Variants in DSCAML1 observed in about 807,000 individuals in gnomAD.
DSCAML1 encodes cell adhesion molecule DSCAML1.
Under a neutral mutation model 200.5 loss-of-function variants are expected in DSCAML1, and 38 were observed. That is an observed-to-expected ratio of 0.19 (90% CI 0.15 to 0.25). The LOEUF is 0.25. DSCAML1 is among the 10% of genes least tolerant of loss of function. The pLI is 1.00. For missense variants in DSCAML1, 2,223 were observed against 2,858.8 expected (o/e 0.78, Z 5.07); for synonymous variants, 1,215 against 1,165.0 (o/e 1.04, Z -0.87).
chr11:117,694,974 C>T (rs2053562796), intron 3 of DSCAML1, among the ~76,000 whole-genome samples: 1 of 152,154 alleles, frequency 6.6e-6, no homozygotes, highest in African/African-American at 2.4e-5. Flanking sequence ...GACCTTCAGC[C>T]TTTAGGTGAC....
At position 117,444,047 on chromosome 11, in the gene DSCAML1, G is replaced by A. The variant is rs1163618074; in HGVS notation, c.3709-8C>T. On this transcript the variant is annotated splice_polypyrimidine_tract_variant and splice_region_variant and intron_variant, in intron 20 of 32. Coordinates refer to ENST00000651296, the MANE Select transcript of DSCAML1 (RefSeq NM_020693.4). Reference sequence around the variant, plus strand: ...CTCGTACTCGCTGGGAGCCTGCGGGGCAGAGGCAAAGAGGCTCTAAGAAGC... The same window carrying A: ...CTCGTACTCGCTGGGAGCCTGCGGGACAGAGGCAAAGAGGCTCTAAGAAGC... The A allele has an allele frequency of 1.9e-6, 3 of 1,608,254 alleles. No homozygotes were observed. In the East Asian group the frequency reaches 6.7e-5, roughly 36 times the overall value.
intron 3 of DSCAML1, among the ~76,000 whole-genome samples, chr11:117,762,578 A>G (rs2054822376): frequency 6.6e-6 from 1 of 152,120 alleles, no homozygotes; most frequent in South Asian, 2.1e-4. Context: ...TTATATATAT[A>G]TGGGCCGGAC....
chr11:117,609,025 AACAAACAAAC>A (rs1193703096), intron 3 of DSCAML1, among the ~76,000 whole-genome samples: 8 of 113,986 alleles, frequency 7.0e-5, no homozygotes, highest in African/African-American at 2.7e-4. Context: ...CAAACAAACA[AACAAACAAAC>A]AAAAAAAACA....
At chr11:117,527,143 C>T (rs1458244772) in intron 4 of DSCAML1, among the ~76,000 whole-genome samples, 1 of 152,192 alleles carries the variant, frequency 6.6e-6, no homozygotes, top group Admixed American at 6.5e-5. Flanking sequence ...TCCTGGGCAA[C>T]AGAGCAAGAT....
At chr11:117,761,730 G>A (rs905811935) in intron 3 of DSCAML1, among the ~76,000 whole-genome samples, 2 of 152,214 alleles carry the variant, frequency 1.3e-5, no homozygotes, top group South Asian at 4.1e-4. Flanking sequence ...AATTAGCTGA[G>A]TGTGGTGGCG....
chr11:117,438,200 G>C lies in DSCAML1; in HGVS notation c.4244-117C>G. ...AGGCAGGGGGCAGAGTCAGGCTTTT[G>C]GTCATTGGAACGGGCATATGCTCCT... is the stretch of plus-strand genomic sequence containing the variant. On this transcript the variant is annotated intron_variant, in intron 24 of 32. Transcript: ENST00000651296. 2.9e-6 allele frequency: 3 copies of C among 1,045,054 alleles called. No individual in the cohort carries two copies. In the South Asian group the frequency reaches 5.0e-5, roughly 18 times the overall value. 64.7% of individuals were successfully genotyped at this position (1,045,054 alleles called of 1,614,324 possible).
chr11:117,738,478 C>G (rs898129843), intron 3 of DSCAML1, among the ~76,000 whole-genome samples: 2 of 152,094 alleles, frequency 1.3e-5, no homozygotes, highest in Non-Finnish European at 2.9e-5. Context: ...ATGCTTCCTC[C>G]TCACCAGCTA....
intron 3 of DSCAML1, among the ~76,000 whole-genome samples, chr11:117,667,259 A>C (rs908934988): frequency 6.6e-6 from 1 of 152,140 alleles, no homozygotes; most frequent in Non-Finnish European, 1.5e-5. Flanking sequence ...TAAAAATACA[A>C]AAATCAGCTG....
chr11:117,477,961 A>G (rs2048831535), intron 14 of DSCAML1, among the ~76,000 whole-genome samples: 1 of 152,194 alleles, frequency 6.6e-6, no homozygotes, highest in African/African-American at 2.4e-5. Context: ...GTAGGCAGAG[A>G]CTGAAGCTGA....
At chr11:117,817,376 C>T (rs951501532) in intron 1 of DSCAML1, 3 of 152,972 alleles carry the variant, frequency 2.0e-5, no homozygotes, top group East Asian at 3.9e-4. Context: ...TCACCCTCAC[C>T]TGGACATGCT....
chr11:117,797,401 G>A, upstream of DSCAML1: 6 of 668,814 alleles, frequency 9.0e-6, no homozygotes, highest in Non-Finnish European at 1.1e-5. Flanking sequence ...AGACCGCCCC[G>A]ACCCGGCTCC....
intron 1 of DSCAML1, among the ~76,000 whole-genome samples, chr11:117,794,160 G>T (rs993048788): frequency 1.2e-4 from 18 of 152,108 alleles, no homozygotes; most frequent in Non-Finnish European, 4.4e-5. Context: ...AGAAGTTGGG[G>T]TGGGAAATGA....
intron 8 of DSCAML1, among the ~76,000 whole-genome samples, chr11:117,511,905 A>G (rs1181427902): frequency 1.3e-5 from 2 of 152,270 alleles, no homozygotes; most frequent in African/African-American, 4.8e-5. Context: ...CAGGGTGCAC[A>G]CGCACGAGTG....
chr11:117,655,514 TA>T (rs1361112802), intron 3 of DSCAML1, among the ~76,000 whole-genome samples: 1 of 152,172 alleles, frequency 6.6e-6, no homozygotes, highest in Non-Finnish European at 1.5e-5. Context: ...AGACAGGATT[TA>T]AAATGAGGCC....
intron 3 of DSCAML1, among the ~76,000 whole-genome samples, chr11:117,591,888 G>T (rs1371931122): frequency 2.6e-5 from 4 of 152,186 alleles, no homozygotes; most frequent in Admixed American, 6.5e-5. Context: ...GGCTCTACAG[G>T]CATGTGGGGT....
chr11:117,469,208 ATGAGTTGG>A lies in DSCAML1; in HGVS notation c.3024+694_3024+701del, dbSNP rs1315698593. Among the ~76,000 whole-genome samples the A allele has an allele frequency of 6.6e-6, 1 of 152,174 alleles. No homozygotes were observed. Among genetic ancestry groups the A allele is most frequent in the African/African-American group, 2.4e-5 (1 of 41,432 alleles). On this transcript the variant is annotated intron_variant, in intron 16 of 32. Coordinates refer to ENST00000651296, the MANE Select transcript of DSCAML1 (RefSeq NM_020693.4). The surrounding 1 kb of genome is among the most constrained non-coding windows in gnomAD (Gnocchi z 4.1). ...TCCCCAGGAATGAGGAGAGGGTCAG[ATGAGTTGG>A]TAAAGAGAAAGCACTTGGAGACTGG...
chr11:117,663,853 C>T lies in DSCAML1; in HGVS notation c.511+112938G>A, dbSNP rs935261551. 1.6e-4 allele frequency among the ~76,000 whole-genome samples: 25 copies of T among 152,206 alleles called. 1 individual carries two copies. Among genetic ancestry groups the T allele is most frequent in the Admixed American group, 1.2e-3 (19 of 15,286 alleles). ...CCTCCTGGCAAAACCCAGAGCACCA[C>T]TTACACAACATCTTTCCCCGCTACA... On this transcript the variant is annotated intron_variant, in intron 3 of 32. Transcript: ENST00000651296.
chr11:117,787,751 A>G (rs1438869585), intron 1 of DSCAML1, among the ~76,000 whole-genome samples: 1 of 152,230 alleles, frequency 6.6e-6, no homozygotes, highest in African/African-American at 2.4e-5. Context: ...ATAGCAACAG[A>G]GCATTGCAGT....
chr11:117,533,341 G>A (rs1241427129), intron 3 of DSCAML1, among the ~76,000 whole-genome samples: 1 of 152,096 alleles, frequency 6.6e-6, no homozygotes. Flanking sequence ...TAAAGTAACT[G>A]GCCCAGGTCG....
Sources: gnomAD v4.1 joint callset for allele counts (sites outside exome capture counted in the v4.1 genomes callset) on GRCh38, gnomAD v4.1.1 for gene constraint, Gnocchi (gnomAD v3.1) non-coding constraint, MANE v1.5 for transcripts, NCBI Gene and HGNC (gene_info 2026-07-23, HGNC 2026-07-21) for gene names.